Variants in PLA2G4E observed in about 807,000 individuals in gnomAD.
The protein encoded by PLA2G4E is phospholipase A2 group IVE.
A neutral mutation model predicts 109.1 loss-of-function variants in PLA2G4E; 84 were observed. The observed-to-expected ratio is 0.77, with a 90% CI of 0.65 to 0.92. The LOEUF is 0.92. Ranked by LOEUF, PLA2G4E falls within the 40% of genes least tolerant of loss-of-function variation. The pLI, the probability that PLA2G4E is intolerant of heterozygous loss-of-function variation, is 0.00. For synonymous variants in PLA2G4E, 469 were observed against 436.1 expected (o/e 1.08, Z -0.94); for missense variants, 1,057 against 1,076.6 (o/e 0.98, Z 0.25).
At chr15:41,987,579 G>A (rs1219368924) in intron 16 of PLA2G4E, among the ~76,000 whole-genome samples, 1 of 152,164 alleles carries the variant, frequency 6.6e-6, no homozygotes, top group East Asian at 1.9e-4. Context: ...AGGTAGTAGA[G>A]AGGGAGGGGG....
At chr15:42,014,807 G>A (rs1566844868) in intron 1 of PLA2G4E, among the ~76,000 whole-genome samples, 1 of 152,162 alleles carries the variant, frequency 6.6e-6, no homozygotes, top group Non-Finnish European at 1.5e-5. Context: ...TGGCTGGTCT[G>A]CGATGACCTC....
chr15:42,046,862 C>T (rs918044127), intron 1 of PLA2G4E, among the ~76,000 whole-genome samples: 5 of 152,150 alleles, frequency 3.3e-5, no homozygotes, highest in African/African-American at 1.2e-4. Context: ...CTCCACAGGG[C>T]AGGAGATGCG....
intron 1 of PLA2G4E, among the ~76,000 whole-genome samples, chr15:42,025,646 C>T (rs1336697342): frequency 6.6e-6 from 1 of 152,162 alleles, no homozygotes; most frequent in African/African-American, 2.4e-5. Context: ...TCCCTCTGTA[C>T]CCAAGCTATC....
At chr15:41,993,569 G>T (rs1007076888) in intron 12 of PLA2G4E, among the ~76,000 whole-genome samples, 1 of 152,072 alleles carries the variant, frequency 6.6e-6, no homozygotes, top group Admixed American at 6.6e-5. Flanking sequence ...TTGGTTGTCG[G>T]GGGGAGCAAA....
chr15:41,995,584 C>T, intron 11 of PLA2G4E, 88 bp from the exon 12 acceptor site: 1 of 1,543,194 alleles, frequency 6.5e-7, no homozygotes. Flanking sequence ...TTTGAAAGAA[C>T]AATGGAGGAG....
At chr15:42,040,024 T>A (rs1196036195) in intron 1 of PLA2G4E, among the ~76,000 whole-genome samples, 1 of 152,170 alleles carries the variant, frequency 6.6e-6, no homozygotes, top group Non-Finnish European at 1.5e-5. Flanking sequence ...ACTAATTCTA[T>A]CAATAAATGT....
chr15:41,995,657 A>G (rs1266795213), intron 11 of PLA2G4E, among the ~76,000 whole-genome samples, 161 bp from the exon 12 acceptor site: 1 of 152,102 alleles, frequency 6.6e-6, no homozygotes, highest in Non-Finnish European at 1.5e-5. Flanking sequence ...GCCTTTCCAC[A>G]GAGCAGTGGG....
chr15:41,994,050 T>A (rs1371955124), intron 12 of PLA2G4E, among the ~76,000 whole-genome samples: 1 of 150,464 alleles, frequency 6.6e-6, no homozygotes, highest in East Asian at 2.0e-4. Context: ...CTTAACCTAC[T>A]ACCGGGGGCA....
At chr15:41,989,333 G>A (rs898464643) in intron 15 of PLA2G4E, 82 bp downstream of exon 15, 1 of 1,560,568 alleles carries the variant, frequency 6.4e-7, no homozygotes, top group Non-Finnish European at 8.7e-7. Flanking sequence ...TGCCCCGAGT[G>A]TCACATAATC....
Position 41,987,154 on chromosome 15 carries a change from G to A in PLA2G4E, c.2035+18C>T. 6.2e-7 allele frequency: 1 copy of A among 1,604,486 alleles called. No individual in the cohort carries two copies. Among genetic ancestry groups the A allele is most frequent in the East Asian group, 2.2e-5 (1 of 44,838 alleles). Reference sequence around the variant, plus strand: ...TCCATATGGAGGCAGGCCTCAAGGAGTAGCCAGGTAGGGTTACCTTTCCAC... The same window carrying A: ...TCCATATGGAGGCAGGCCTCAAGGAATAGCCAGGTAGGGTTACCTTTCCAC... On this transcript the variant is annotated intron_variant, in intron 17 of 19. Coordinates refer to ENST00000399518, the Ensembl canonical transcript of PLA2G4E.
At chr15:42,013,405 C>T (rs2068556973) in intron 2 of PLA2G4E, among the ~76,000 whole-genome samples, 1 of 152,196 alleles carries the variant, frequency 6.6e-6, no homozygotes, top group South Asian at 2.1e-4. Flanking sequence ...GCGAACAGAG[C>T]TCTTGGGTGC....
In PLA2G4E at chr15:41,988,235, C is replaced by G. The variant is rs11070355; in HGVS notation, c.1724-79G>C. ...CTGACATTTGATTCCCCACTCCCCCCACCCCCCCACCCCACGCAAGCCAGG... is the reference window on the plus strand; with the variant it reads ...CTGACATTTGATTCCCCACTCCCCCGACCCCCCCACCCCACGCAAGCCAGG... On this transcript the variant is annotated intron_variant, in intron 15 of 19. Transcript: ENST00000399518. 2.6e-5 allele frequency: 22 copies of G among 846,410 alleles called. No individual in the cohort carries two copies. The East Asian group carries it at 7.3e-4, about 28-fold the overall frequency. 52.4% of individuals were successfully genotyped at this position (846,410 alleles called of 1,614,324 possible).
At chr15:42,037,624 A>G (rs915971199) in intron 1 of PLA2G4E, among the ~76,000 whole-genome samples, 50 of 152,184 alleles carry the variant, frequency 3.3e-4, no homozygotes, top group Admixed American at 3.1e-3. Flanking sequence ...TAACACAAAC[A>G]GGGCTGAAAC....
intron 2 of PLA2G4E, chr15:42,010,135 C>CACCA (rs1555387006): frequency 2.1e-6 from 1 of 467,554 alleles, no homozygotes; most frequent in Admixed American, 2.1e-5. Flanking sequence ...AACACTGGCC[C>CACCA]CCCCACCCCG....
Position 42,029,725 on chromosome 15 carries a change from C to T in PLA2G4E, c.184-15968G>A, listed in dbSNP as rs1486285006. 2.0e-5 allele frequency among the ~76,000 whole-genome samples: 3 copies of T among 152,326 alleles called. No homozygotes were observed. In the East Asian group the frequency reaches 5.8e-4, roughly 29 times the overall value. ...TCCCTCTAAGCCTGAGCTTCTCCAT[C>T]TGTAAAGTGGGAAGCATAACAGTTT... On this transcript the variant is annotated intron_variant, in intron 1 of 19. Coordinates refer to ENST00000399518, the Ensembl canonical transcript of PLA2G4E.
exon 18 of PLA2G4E, chr15:41,985,873 A>G: frequency 6.2e-7 from 1 of 1,611,292 alleles, no homozygotes; most frequent in Non-Finnish European, 8.5e-7. Context: ...GTTGAGGTGG[A>G]TGATGAGGTC....
chr15:42,000,256 C>T (rs374576646), exon 8 of PLA2G4E: 18 of 1,575,054 alleles, frequency 1.1e-5, no homozygotes, highest in African/African-American at 2.7e-5. Flanking sequence ...TCAAAGGATT[C>T]GTTCACCATC....
chr15:42,001,927 A>G (rs2068424255), intron 6 of PLA2G4E, among the ~76,000 whole-genome samples: 1 of 152,196 alleles, frequency 6.6e-6, no homozygotes, highest in African/African-American at 2.4e-5. Context: ...TCCCGGGCTC[A>G]AGTGATCCCC....
chr15:42,013,578 T>C (rs1209759174), intron 2 of PLA2G4E, 107 bp downstream of exon 2: 16 of 1,067,242 alleles, frequency 1.5e-5, no homozygotes, highest in African/African-American at 6.3e-5. Flanking sequence ...CGTGCACACG[T>C]GCGCGCGCAC....
Sources: allele counts gnomAD v4.1 joint callset (sites outside exome capture counted in the v4.1 genomes callset), GRCh38; gene constraint gnomAD v4.1.1; transcripts MANE v1.5; gene names NCBI Gene and HGNC (gene_info 2026-07-23, HGNC 2026-07-21).